CAPN1: variants seen among roughly 807,000 people sequenced by gnomAD.
CAPN1 encodes calpain 1.
CAPN1 carries 77 observed loss-of-function variants against 105.2 expected under a neutral mutation model. The observed-to-expected ratio is 0.73, with a 90% CI of 0.61 to 0.88. The LOEUF (loss-of-function observed/expected upper bound fraction) is 0.88, where lower values mean the gene tolerates loss of function less well. Among genes scored for constraint, CAPN1 ranks in the 40% least tolerant of loss-of-function variants. The pLI is 0.00. For synonymous variants in CAPN1, 355 were observed against 388.8 expected (o/e 0.91, Z 1.02); for missense variants, 833 against 976.6 (o/e 0.85, Z 1.96).
chr11:65,182,647 C>T, intron 1 of CAPN1, 54 bp from the exon 2 acceptor site: 2 of 1,454,968 alleles, frequency 1.4e-6, no homozygotes, highest in Non-Finnish European at 1.8e-6. Context: ...GGCAGGAGCC[C>T]AGGTTCTAGT....
At position 65,188,947 on chromosome 11, in the gene CAPN1, G is replaced by T. The variant is rs887988711; in HGVS notation, c.1165+201G>T. ...CACCGTCTTGGGGCCTGAGCCCAGG[G>T]TGCTCATGAGGGGCAAAGATCTTGT... On this transcript the variant is annotated intron_variant, in intron 10 of 21. Transcript: ENST00000279247. This position sits in a 1 kb window ranked among gnomAD's most constrained non-coding sequence, Gnocchi z 5.5. Among the ~76,000 whole-genome samples, 3 of 152,192 alleles carry T rather than the reference G, an allele frequency of 2.0e-5. No individual in the cohort carries two copies. The highest frequency in any genetic ancestry group is 1.9e-4 in the East Asian group (1 of 5,196).
At chr11:65,185,280 G>A (rs1010788920) in intron 4 of CAPN1, among the ~76,000 whole-genome samples, 2 of 151,886 alleles carry the variant, frequency 1.3e-5, no homozygotes, top group Admixed American at 6.6e-5. Flanking sequence ...AGTTTCTGGT[G>A]GTAAATCAGG....
rs781683198 is a variant in CAPN1 at position 65,187,299 on chromosome 11, G to C, written c.843+1G>C. ...CTACTCTGTGACCGGGGCCAAGCAG[G>C]TACTGCCCTGGGTGGGGCCTTCCCT... On this transcript the variant is annotated splice_donor_variant, in intron 7 of 21. Transcript: ENST00000279247. LOFTEE classifies it high-confidence loss of function. The C allele has an allele frequency of 7.5e-6, 12 of 1,609,708 alleles. No individual in the cohort carries two copies. The South Asian group carries it at 1.3e-4, about 18-fold the overall frequency.
chr11:65,197,245 A>C (rs1341890294), intron 10 of CAPN1, among the ~76,000 whole-genome samples: 4 of 152,140 alleles, frequency 2.6e-5, no homozygotes, highest in Non-Finnish European at 4.4e-5. Flanking sequence ...AAAGATGATA[A>C]AAATCTTATA....
In CAPN1 at chr11:65,188,923, A is replaced by C. The variant is rs937452228; in HGVS notation, c.1165+177A>C. The stretch of plus-strand genomic sequence containing the variant: ...AATTTTAAAGAGGCATGCTTGACTC[A>C]CCGTCTTGGGGCCTGAGCCCAGGGT... On this transcript the variant is annotated intron_variant, in intron 10 of 21. Coordinates refer to ENST00000279247, the MANE Select transcript of CAPN1 (RefSeq NM_005186.4). This position sits in a 1 kb window ranked among gnomAD's most constrained non-coding sequence, Gnocchi z 5.5. Among the ~76,000 whole-genome samples the C allele has an allele frequency of 6.6e-6, 1 of 152,192 alleles. No homozygotes were observed. Among genetic ancestry groups the C allele is most frequent in the Non-Finnish European group, 1.5e-5 (1 of 68,022 alleles).
chr11:65,198,912 G>A (rs948677894), intron 10 of CAPN1, among the ~76,000 whole-genome samples: 2 of 152,170 alleles, frequency 1.3e-5, no homozygotes, highest in Non-Finnish European at 2.9e-5. Context: ...TCCACTCACC[G>A]CAACCTCTGC....
chr11:65,198,142 CT>C (rs11298685), intron 10 of CAPN1, among the ~76,000 whole-genome samples: 101,709 of 147,220 alleles, frequency 0.69, 36,835 homozygotes, highest in Middle Eastern at 0.85. Context: ...TAATCAGTGT[CT>C]TTTTTTTTTT....
intron 4 of CAPN1, among the ~76,000 whole-genome samples, chr11:65,185,010 T>G (rs757118972): frequency 9.9e-5 from 15 of 152,128 alleles, no homozygotes; most frequent in African/African-American, 1.4e-4. Context: ...GTGGTATGCA[T>G]GTATTAGTAT....
chr11:65,209,652 C>T lies in CAPN1; in HGVS notation c.1795-197C>T, dbSNP rs1949014273. 1 of 649,708 alleles carries T rather than the reference C, an allele frequency of 1.5e-6. No individual in the cohort carries two copies. Among genetic ancestry groups the T allele is most frequent in the African/African-American group, 1.8e-5 (1 of 55,166 alleles). 40.2% of individuals were successfully genotyped at this position (649,708 alleles called of 1,614,324 possible). On this transcript the variant is annotated intron_variant, in intron 17 of 21. Coordinates refer to ENST00000279247, the MANE Select transcript of CAPN1 (RefSeq NM_005186.4). This position sits in a 1 kb window ranked among gnomAD's most constrained non-coding sequence, Gnocchi z 4.1. Reference sequence around the variant, plus strand: ...GCTGGTGCTATTTCTGACCCCTCCCCAGCCCACTCCACTGCAGCCCAGCTC... The same window carrying T: ...GCTGGTGCTATTTCTGACCCCTCCCTAGCCCACTCCACTGCAGCCCAGCTC...
intron 7 of CAPN1, chr11:65,187,750 G>T (rs1948656495): frequency 3.9e-6 from 2 of 508,020 alleles, no homozygotes; most frequent in Admixed American, 3.2e-5. Context: ...ACCTGGGTGT[G>T]GTGGCAGGTG....
At position 65,206,506 on chromosome 11, in the gene CAPN1, T is replaced by C; in HGVS notation, c.1397T>C (p.Leu466Pro). Residue 466 changes from leucine to proline, a missense_variant, in exon 13 of 22, where the codon CTG becomes CCG. Transcript: ENST00000279247. ...PAVHLKRDFF[L>P]ANASRARSEQ... ...GTACACTTGAAGCGTGACTTCTTCC[T>C]GGCCAATGCGTCTCGGGCGCGCTCA... is the stretch of plus-strand genomic sequence containing the variant. 2 of 1,613,442 alleles carry C rather than the reference T, an allele frequency of 1.2e-6. No homozygotes were observed. The highest frequency in any genetic ancestry group is 2.2e-5 in the South Asian group (2 of 91,086).
chr11:65,183,517 C>G lies in CAPN1; in HGVS notation c.381C>G (p.Asn127Lys). 1 of 1,613,890 alleles carries G rather than the reference C, an allele frequency of 6.2e-7. No homozygotes were observed. The highest frequency in any genetic ancestry group is 8.5e-7 in the Non-Finnish European group (1 of 1,179,784). ...CGGCCATCGCCTCCCTCACTCTCAA[C>G]GACACCCTCCTGCACCGAGTGGTTC... ...LLAAIASLTL[N>K]DTLLHRVVPH... The change falls in exon 4 of 22, where the codon AAC (asparagine) becomes AAG (lysine). Residue 127 changes from asparagine (N) to lysine (K), a missense_variant. Coordinates refer to ENST00000279247, the MANE Select transcript of CAPN1 (RefSeq NM_005186.4).
chr11:65,202,996 T>A (rs1049893556), intron 10 of CAPN1, among the ~76,000 whole-genome samples: 1 of 152,172 alleles, frequency 6.6e-6, no homozygotes, highest in Admixed American at 6.5e-5. Flanking sequence ...CATGGTCCTT[T>A]GTGGCTGGCC....
chr11:65,191,492 C>T, intron 10 of CAPN1, among the ~76,000 whole-genome samples: 1 of 152,278 alleles, frequency 6.6e-6, no homozygotes, highest in South Asian at 2.1e-4. Flanking sequence ...GATTCTCGTG[C>T]CTCAGCTTCC....
In CAPN1 at chr11:65,188,596, C is replaced by T. The variant is rs1033887530; in HGVS notation, c.1015C>T (p.Arg339Ter). The T allele has an allele frequency of 5.6e-6, 9 of 1,613,988 alleles. No homozygotes were observed. The highest frequency in any genetic ancestry group is 1.3e-5 in the African/African-American group (1 of 75,042). The part of the protein sequence containing the change: ...MEDGEFWMSF[R>*]DFMREFTRLE... ...TACCTCCCACCTCAGGATGTCATTC[C>T]GAGACTTCATGCGGGAGTTCACCCG... The change falls in exon 10 of 22, where the codon CGA (arginine) becomes TGA (stop). Residue 339 changes from arginine (R) to a stop codon, truncating the protein, a stop_gained. Coordinates refer to ENST00000279247, the MANE Select transcript of CAPN1 (RefSeq NM_005186.4). LOFTEE classifies it high-confidence loss of function. This position sits in a 1 kb window ranked among gnomAD's most constrained non-coding sequence, Gnocchi z 5.5.
chr11:65,190,712 G>GTTTTTTTTTT (rs1565399076), intron 10 of CAPN1, among the ~76,000 whole-genome samples: 1 of 56,556 alleles, frequency 1.8e-5, no homozygotes, highest in Non-Finnish European at 5.0e-5. Flanking sequence ...GGTTTTTTTT[G>GTTTTTTTTTT]TTTTTGTTTT....
In CAPN1 at chr11:65,186,009, C is replaced by G. The variant is rs1948627476; in HGVS notation, c.549C>G (p.Gly183=). The part of the protein sequence containing the change: ...GKLVFVHSAE[G]NEFWSALLEK... ...TAGTGTTCGTGCACTCTGCCGAAGG[C>G]AACGAGTTCTGGAGCGCCCTGCTTG... The change falls in exon 5 of 22, where the codon GGC becomes GGG. Residue 183 remains glycine, a synonymous_variant. Transcript: ENST00000279247. 1 of 1,610,138 alleles carries G rather than the reference C, an allele frequency of 6.2e-7. No homozygotes were observed. The highest frequency in any genetic ancestry group is 1.3e-5 in the African/African-American group (1 of 74,796).
chr11:65,202,438 ATTTG>A (rs1047765076), intron 10 of CAPN1, among the ~76,000 whole-genome samples: 18 of 151,860 alleles, frequency 1.2e-4, no homozygotes, highest in South Asian at 2.1e-4. Flanking sequence ...TTATTTATTT[ATTTG>A]TTTGTTTGTT....
rs1565423775 is a variant in CAPN1, at chr11:65,209,863, G to A, written c.1809G>A (p.Gly603=). The A allele has an allele frequency of 1.9e-6, 3 of 1,613,780 alleles. No individual in the cohort carries two copies. Among genetic ancestry groups the A allele is most frequent in the Non-Finnish European group, 2.5e-6 (3 of 1,179,874 alleles). Residue 603 remains glycine (G), a synonymous_variant, in exon 18 of 22, where the codon GGG becomes GGA. Transcript: ENST00000279247. This position sits in a 1 kb window ranked among gnomAD's most constrained non-coding sequence, Gnocchi z 4.1. ...MVNLMDRDGN[G]KLGLVEFNIL... is the part of the protein sequence containing the mutation. Reference sequence around the variant, plus strand: ...CGGCCACCCAGCGTGATGGCAATGGGAAGCTGGGCCTGGTGGAGTTCAACA... The same window carrying A: ...CGGCCACCCAGCGTGATGGCAATGGAAAGCTGGGCCTGGTGGAGTTCAACA...
Sources: allele counts gnomAD v4.1 joint callset (sites outside exome capture counted in the v4.1 genomes callset), GRCh38; gene constraint gnomAD v4.1.1; non-coding constraint Gnocchi (gnomAD v3.1); transcripts MANE v1.5; gene names NCBI Gene and HGNC (gene_info 2026-07-23, HGNC 2026-07-21).